The following DCBLD2 variants were observed in gnomAD, a reference collection of about 807,000 sequenced individuals.
DCBLD2 encodes the protein discoidin, CUB and LCCL domain-containing protein 2.
DCBLD2 carries 54 observed loss-of-function variants against 86.8 expected under a neutral mutation model. The ratio of observed to expected loss-of-function variants is 0.62; its 90% confidence interval spans 0.50 to 0.78. DCBLD2 has a LOEUF of 0.78. Ranked by LOEUF, DCBLD2 falls within the 30% of genes least tolerant of loss-of-function variation. DCBLD2 has a pLI of 0.00. For missense variants in DCBLD2, 908 were observed against 954.2 expected, an observed-to-expected ratio of 0.95 and a Z score of 0.64; for synonymous variants, 354 against 341.3, an observed-to-expected ratio of 1.04 and a Z score of -0.41.
chr3:98,819,269 C>A lies in DCBLD2; in HGVS notation c.1020G>T (p.Trp340Cys). Residue 340 changes from tryptophan (W) to cysteine (C), a missense_variant, in exon 8 of 16, where the codon TGG becomes TGT. By Grantham distance (215) the Trp-to-Cys change is radical (BLOSUM62 -2). Coordinates refer to ENST00000326840, the MANE Select transcript of DCBLD2 (RefSeq NM_080927.4). Reference sequence around the variant, plus strand: ...GGTATTCATCAGTGGCAAAAGCAGCCCAAGGCGGTCCAGGTTTTTTCAGCC... The same window carrying A: ...GGTATTCATCAGTGGCAAAAGCAGCACAAGGCGGTCCAGGTTTTTTCAGCC... ...KARLKKPGPP[W>C]AAFATDEYQW... is the part of the protein sequence containing the mutation. The A allele has an allele frequency of 6.2e-7, 1 of 1,611,932 alleles. No individual in the cohort carries two copies. The highest frequency in any genetic ancestry group is 8.5e-7 in the Non-Finnish European group (1 of 1,178,958).
intron 2 of DCBLD2, among the ~76,000 whole-genome samples, chr3:98,863,094 C>A (rs533998675): frequency 6.6e-6 from 1 of 152,172 alleles, no homozygotes; most frequent in East Asian, 1.9e-4. Flanking sequence ...AACAGAGAGC[C>A]AAATCATGAG....
chr3:98,849,109 C>A (rs1266618913), intron 3 of DCBLD2, among the ~76,000 whole-genome samples: 1 of 151,110 alleles, frequency 6.6e-6, no homozygotes, highest in Non-Finnish European at 1.5e-5. Flanking sequence ...GTGGAGATTG[C>A]GGTGAGCCGA....
chr3:98,890,447 G>A (rs2439225), intron 1 of DCBLD2: 54,346 of 151,872 alleles, frequency 0.36, 9,833 homozygotes, highest in Non-Finnish European at 0.38. Flanking sequence ...CAGAATTCTA[G>A]CCTCCATAAC....
intron 2 of DCBLD2, among the ~76,000 whole-genome samples, chr3:98,857,241 CCTTTGCGGTGAGTGTT>C (rs1383438508): frequency 6.6e-6 from 1 of 152,146 alleles, no homozygotes; most frequent in Non-Finnish European, 1.5e-5. Context: ...AAGCTGCAGA[CCTTTGCGGTGAGTGTT>C]ACAGCTCATA....
intron 2 of DCBLD2, among the ~76,000 whole-genome samples, chr3:98,856,775 T>C (rs939528380): frequency 6.6e-6 from 1 of 151,134 alleles, no homozygotes; most frequent in African/African-American, 2.4e-5. Flanking sequence ...AAATGAAGAA[T>C]TAAGACATTA....
chr3:98,863,331 A>C (rs1269674712), intron 2 of DCBLD2, among the ~76,000 whole-genome samples: 1 of 152,172 alleles, frequency 6.6e-6, no homozygotes, highest in African/African-American at 2.4e-5. Flanking sequence ...TCAAGCTACC[A>C]ATGACTTTCT....
chr3:98,876,412 T>TAAAAAAAAAAAAAAAAA (rs60681986), intron 2 of DCBLD2, among the ~76,000 whole-genome samples: 23 of 47,532 alleles, frequency 4.8e-4, no homozygotes, highest in Non-Finnish European at 6.0e-4. Context: ...AGATAAAAAG[T>TAAAAAAAAAAAAAAAAA]AAAAAAAAAA....
At position 98,901,377 on chromosome 3, in the gene DCBLD2, C is replaced by G; in HGVS notation, c.-51G>C. 7.9e-7 allele frequency: 1 copy of G among 1,272,504 alleles called. No homozygotes were observed. Among genetic ancestry groups the G allele is most frequent in the Non-Finnish European group, 9.8e-7 (1 of 1,015,604 alleles). 78.8% of individuals were successfully genotyped at this position (1,272,504 alleles called of 1,614,324 possible). On this transcript the variant is annotated 5_prime_UTR_variant, in exon 1 of 16. Coordinates refer to ENST00000326840, the MANE Select transcript of DCBLD2 (RefSeq NM_080927.4). ...TAGTGCGGGTGCCTCGGCAGCCCCGCGCGCCTCTGGCCGCGGCACCCGACC... is the reference window on the plus strand; with the variant it reads ...TAGTGCGGGTGCCTCGGCAGCCCCGGGCGCCTCTGGCCGCGGCACCCGACC...
intron 2 of DCBLD2, among the ~76,000 whole-genome samples, chr3:98,876,664 T>A (rs1375604173): frequency 1.3e-5 from 2 of 152,152 alleles, no homozygotes; most frequent in Middle Eastern, 3.2e-3. Context: ...GTATATAATT[T>A]ACCTTTTGAC....
rs199739773 is a variant in DCBLD2 at position 98,800,589 on chromosome 3, A to C, written c.1848T>G (p.Ala616=). Residue 616 remains alanine (A), a synonymous_variant, in exon 15 of 16, where the codon GCT becomes GCG. Coordinates refer to ENST00000326840, the MANE Select transcript of DCBLD2 (RefSeq NM_080927.4). ...SPREVTTVLQ[A]DSAEYAQPLV... is the part of the protein sequence containing the mutation. ...CTGCAACATAGTTACCTGCAGAGTC[A>C]GCCTGCAGCACTGTGGTGACTTCTC... 7.4e-6 allele frequency: 12 copies of C among 1,613,036 alleles called. No individual in the cohort carries two copies. The highest frequency in any genetic ancestry group is 4.4e-5 in the South Asian group (4 of 90,774).
chr3:98,857,698 G>C (rs1197480388), intron 2 of DCBLD2, among the ~76,000 whole-genome samples: 1 of 152,290 alleles, frequency 6.6e-6, no homozygotes, highest in East Asian at 1.9e-4. Context: ...CAATCCCTTA[G>C]CTAGACATAA....
In DCBLD2 at chr3:98,832,449, T is replaced by C. The variant is rs1213514903; in HGVS notation, c.572-7083A>G. Reference sequence around the variant, plus strand: ...AGGCTATTTACATTCAAGGGTAGTATTGATATGTGTGCATATGATCCTGTC... The same window carrying C: ...AGGCTATTTACATTCAAGGGTAGTACTGATATGTGTGCATATGATCCTGTC... On this transcript the variant is annotated intron_variant, in intron 3 of 15. Transcript: ENST00000326840. Among the ~76,000 whole-genome samples, 4 of 152,228 alleles carry C rather than the reference T, an allele frequency of 2.6e-5. No individual in the cohort carries two copies. The East Asian group carries it at 7.7e-4, about 29-fold the overall frequency.
Position 98,871,821 on chromosome 3 carries a change from A to G in DCBLD2, c.433+9719T>C, listed in dbSNP as rs112733341. Among the ~76,000 whole-genome samples, 198 of 152,266 alleles carry G rather than the reference A, an allele frequency of 1.3e-3. 1 individual carries two copies. The East Asian group carries it at 0.016, about 13-fold the overall frequency. ...ATTAGGGAGGATTCCCTCTTTCTCC[A>G]TCTTTTAGAATAGTTTCAGTAGAAT... On this transcript the variant is annotated intron_variant, in intron 2 of 15. Coordinates refer to ENST00000326840, the MANE Select transcript of DCBLD2 (RefSeq NM_080927.4).
At chr3:98,893,505 C>G (rs1943698297) in intron 1 of DCBLD2, among the ~76,000 whole-genome samples, 1 of 151,542 alleles carries the variant, frequency 6.6e-6, no homozygotes, top group South Asian at 2.1e-4. Flanking sequence ...AAAGCAGAAA[C>G]AAAACCCTTG....
At chr3:98,893,457 A>G (rs1419315508) in intron 1 of DCBLD2, among the ~76,000 whole-genome samples, 2 of 152,118 alleles carry the variant, frequency 1.3e-5, no homozygotes, top group Non-Finnish European at 2.9e-5. Context: ...AAAAACCAAA[A>G]CAAACAAAAA....
chr3:98,894,216 A>T (rs1943712470), intron 1 of DCBLD2, among the ~76,000 whole-genome samples: 1 of 152,164 alleles, frequency 6.6e-6, no homozygotes, highest in African/African-American at 2.4e-5. Context: ...CAAACTCCTC[A>T]GTCTGCCCCT....
At chr3:98,800,747 T>C in intron 14 of DCBLD2, 31 bp from the exon 15 acceptor site, 2 of 1,613,596 alleles carry the variant, frequency 1.2e-6, no homozygotes, top group Non-Finnish European at 1.7e-6. Flanking sequence ...AAAGAGACCA[T>C]TAAATAAAAA....
intron 13 of DCBLD2, among the ~76,000 whole-genome samples, chr3:98,806,652 T>C (rs1373622994): frequency 6.6e-6 from 1 of 152,164 alleles, no homozygotes; most frequent in Admixed American, 6.6e-5. Context: ...CCCCAGCACA[T>C]GGCTCAATAC....
intron 1 of DCBLD2, among the ~76,000 whole-genome samples, chr3:98,897,087 T>G (rs542432929): frequency 6.6e-6 from 1 of 152,312 alleles, no homozygotes; most frequent in African/African-American, 2.4e-5. Context: ...TCATTTTAAT[T>G]CTACTACTGG....
Sources: allele counts gnomAD v4.1 joint callset (sites outside exome capture counted in the v4.1 genomes callset), GRCh38; gene constraint gnomAD v4.1.1; transcripts MANE v1.5; gene names NCBI Gene and HGNC (gene_info 2026-07-23, HGNC 2026-07-21).